GLI2: variants seen among roughly 807,000 people sequenced by gnomAD.
GLI2 encodes transcription activator GLI2.
In GLI2, 22 loss-of-function variants were observed where a neutral mutation model predicts 78.9. That is an observed-to-expected ratio of 0.28 (90% CI 0.20 to 0.40). The LOEUF (loss-of-function observed/expected upper bound fraction) is 0.40. Among genes scored for constraint, GLI2 ranks in the 10% least tolerant of loss-of-function variants. The pLI is 1.00. For missense variants in GLI2, 2,097 were observed against 2,213.2 expected (o/e 0.95, Z 1.05); for synonymous variants, 974 against 963.7 (o/e 1.01, Z -0.20).
At chr2:120,929,349 G>C (rs556919184) in intron 3 of GLI2, among the ~76,000 whole-genome samples, 2 of 152,206 alleles carry the variant, frequency 1.3e-5, no homozygotes, top group African/African-American at 4.8e-5. Context: ...ATACTTAGAG[G>C]ATATGGAAAT....
intron 5 of GLI2, among the ~76,000 whole-genome samples, chr2:120,965,557 G>A (rs1681809594): frequency 1.4e-5 from 2 of 147,746 alleles, no homozygotes; most frequent in Admixed American, 1.3e-4. Flanking sequence ...CAGCCGGGAT[G>A]CAGATGCTGC....
At chr2:120,848,637 C>T (rs928240166) in intron 2 of GLI2, among the ~76,000 whole-genome samples, 2 of 152,206 alleles carry the variant, frequency 1.3e-5, no homozygotes, top group Non-Finnish European at 2.9e-5. Context: ...GCACCTTTGC[C>T]TTTCCTGCTA....
At chr2:120,810,111 A>T (rs1685168517) in intron 2 of GLI2, among the ~76,000 whole-genome samples, 1 of 152,162 alleles carries the variant, frequency 6.6e-6, no homozygotes, top group East Asian at 1.9e-4. Context: ...GGTCTCAGGG[A>T]TGGCCTCACA....
At chr2:120,739,280 C>G (rs1410815701) in intron 1 of GLI2, among the ~76,000 whole-genome samples, 3 of 152,182 alleles carry the variant, frequency 2.0e-5, no homozygotes, top group Non-Finnish European at 4.4e-5. Context: ...TCCCCCACCC[C>G]TGCCCCGGGG....
chr2:120,784,566 T>A lies in GLI2; in HGVS notation c.-30-12725T>A, dbSNP rs184906250. On this transcript the variant is annotated intron_variant, in intron 1 of 13. Coordinates refer to ENST00000361492, the MANE Select transcript of GLI2 (RefSeq NM_001374353.1). ...CAGATAAGGAGTTTGAATGTCATTC[T>A]GCAGACAGTGGGGAGTCCCGAGGGG... is the stretch of plus-strand genomic sequence containing the variant. 2.8e-3 allele frequency among the ~76,000 whole-genome samples: 421 copies of A among 152,204 alleles called. 3 individuals are homozygous for A. Among genetic ancestry groups the A allele is most frequent in the African/African-American group, 9.8e-3 (406 of 41,510 alleles).
intron 1 of GLI2, among the ~76,000 whole-genome samples, chr2:120,748,986 T>TA (rs1682781181): frequency 6.6e-6 from 1 of 152,154 alleles, no homozygotes; most frequent in Non-Finnish European, 1.5e-5. Context: ...CCATCCATCA[T>TA]ACATTCATTG....
chr2:120,957,128 C>A (rs866552013), intron 5 of GLI2, among the ~76,000 whole-genome samples: 1 of 152,196 alleles, frequency 6.6e-6, no homozygotes, highest in Non-Finnish European at 1.5e-5. Flanking sequence ...GAGAAGAGGG[C>A]GGCCAACCTC....
chr2:120,797,159 C>T, intron 1 of GLI2, 132 bp from the exon 2 acceptor site: 1 of 735,060 alleles, frequency 1.4e-6, no homozygotes, highest in Non-Finnish European at 2.4e-6. Flanking sequence ...TAATTAAACC[C>T]TCCTTCCCAA....
In GLI2 at chr2:120,951,359, C is replaced by A; in HGVS notation, c.371C>A (p.Pro124His). The change falls in exon 4 of 14, where the codon CCC (proline) becomes CAC (histidine). Residue 124 changes from proline (P) to histidine (H), a missense_variant. Physicochemically the swap from Pro to His is moderately conservative, Grantham distance 77. Coordinates refer to ENST00000361492, the MANE Select transcript of GLI2 (RefSeq NM_001374353.1). ...AACGCCCCCCACCCGTACGTGAACC[C>A]CCACATGGAGCACTACCTCCGTTCT... ...PFNAPHPYVN[P>H]HMEHYLRSVH... The A allele has an allele frequency of 3.1e-6, 5 of 1,607,168 alleles. No individual in the cohort carries two copies. Among genetic ancestry groups the A allele is most frequent in the Non-Finnish European group, 4.3e-6 (5 of 1,173,670 alleles).
intron 2 of GLI2, among the ~76,000 whole-genome samples, chr2:120,881,819 G>A (rs535827311): frequency 1.7e-3 from 13 of 7,718 alleles, no homozygotes; most frequent in South Asian, 9.9e-3. Flanking sequence ...GAGAACAGTC[G>A]TGGGGACAGT....
chr2:120,957,085 G>A (rs1033340450), intron 5 of GLI2, among the ~76,000 whole-genome samples: 3 of 152,162 alleles, frequency 2.0e-5, no homozygotes, highest in Non-Finnish European at 4.4e-5. Flanking sequence ...CAGCTATCTT[G>A]AACATCTCCT....
chr2:120,828,376 A>T (rs1412106663), intron 2 of GLI2, among the ~76,000 whole-genome samples: 1 of 152,224 alleles, frequency 6.6e-6, no homozygotes, highest in Non-Finnish European at 1.5e-5. Flanking sequence ...CCCCAGACAG[A>T]CGCTGAGGGT....
At chr2:120,950,930 C>T (rs969584620) in intron 3 of GLI2, among the ~76,000 whole-genome samples, 10 of 152,192 alleles carry the variant, frequency 6.6e-5, no homozygotes, top group Non-Finnish European at 1.3e-4. Flanking sequence ...GCAACTGTGA[C>T]GTGTGGGCGG....
chr2:120,797,712 GA>G (rs1467081556), intron 2 of GLI2, among the ~76,000 whole-genome samples: 3 of 152,044 alleles, frequency 2.0e-5, no homozygotes, highest in African/African-American at 7.2e-5. Flanking sequence ...GGTGGGGCCT[GA>G]GTACTGGGAG....
intron 2 of GLI2, among the ~76,000 whole-genome samples, chr2:120,901,537 C>T (rs560474543): frequency 1.3e-5 from 2 of 152,350 alleles, no homozygotes; most frequent in African/African-American, 4.8e-5. Flanking sequence ...AGCCAGGCCA[C>T]TGGGGAGCAT....
intron 2 of GLI2, among the ~76,000 whole-genome samples, chr2:120,892,041 T>C (rs1677708808): frequency 6.7e-6 from 1 of 150,012 alleles, no homozygotes; most frequent in Non-Finnish European, 1.5e-5. Flanking sequence ...GTCACCACCT[T>C]GGACTACTTA....
chr2:120,919,542 G>T (rs969799240), intron 2 of GLI2, among the ~76,000 whole-genome samples: 1 of 152,254 alleles, frequency 6.6e-6, no homozygotes, highest in Non-Finnish European at 1.5e-5. Context: ...GTGGCAGGTG[G>T]ACAGGGCATG....
intron 2 of GLI2, among the ~76,000 whole-genome samples, chr2:120,921,127 C>T (rs1036035384): frequency 6.6e-6 from 1 of 152,152 alleles, no homozygotes; most frequent in South Asian, 2.1e-4. Context: ...CTGAATGTTT[C>T]CATCGGGGGC....
Position 120,786,708 on chromosome 2 carries a change from A to AG in GLI2, c.-30-10583_-30-10582insG, listed in dbSNP as rs1684006746. 2.0e-5 allele frequency among the ~76,000 whole-genome samples: 3 copies of AG among 152,144 alleles called. No homozygotes were observed. In the East Asian group the frequency reaches 5.8e-4, roughly 29 times the overall value. ...GAAGGCATTCTTATGCAGTGCTGGC[A>AG]AACACTGCCCATGGCAGACAGTACA... On this transcript the variant is annotated intron_variant, in intron 1 of 13. Coordinates refer to ENST00000361492, the MANE Select transcript of GLI2 (RefSeq NM_001374353.1).
Sources: allele counts gnomAD v4.1 joint callset (sites outside exome capture counted in the v4.1 genomes callset), GRCh38; gene constraint gnomAD v4.1.1; transcripts MANE v1.5; gene names NCBI Gene and HGNC (gene_info 2026-07-23, HGNC 2026-07-21).